Variants in ODAD2 observed in about 807,000 individuals in gnomAD.
ODAD2 encodes the protein outer dynein arm-docking complex subunit 2.
In ODAD2, 89 loss-of-function variants were observed where a neutral mutation model predicts 106.8. That is an observed-to-expected ratio of 0.83 (90% CI 0.70 to 0.99). The LOEUF (loss-of-function observed/expected upper bound fraction) is 0.99. ODAD2 is among the 50% of genes least tolerant of loss of function. The pLI is 0.00. For missense variants in ODAD2, 1,168 were observed against 1,238.5 expected (o/e 0.94, Z 0.85); for synonymous variants, 404 against 436.2 (o/e 0.93, Z 0.92).
chr10:27,853,624 C>T (rs1839449239), intron 19 of ODAD2, among the ~76,000 whole-genome samples: 1 of 152,110 alleles, frequency 6.6e-6, no homozygotes, highest in African/African-American at 2.4e-5. Flanking sequence ...ATGAGCCACT[C>T]TGCCTGGTCC....
At chr10:27,966,700 T>C (rs1848509323) in intron 9 of ODAD2, among the ~76,000 whole-genome samples, 1 of 152,224 alleles carries the variant, frequency 6.6e-6, no homozygotes, top group Admixed American at 6.5e-5. Flanking sequence ...TTCATTTTTA[T>C]CACTGAGTAA....
chr10:27,860,482 G>T, intron 19 of ODAD2, 143 bp downstream of exon 19: 1 of 710,412 alleles, frequency 1.4e-6, no homozygotes, highest in Non-Finnish European at 2.3e-6. Flanking sequence ...GATAACACAT[G>T]GCTTGAATGC....
At chr10:27,883,231 G>A (rs1392446076) in intron 17 of ODAD2, among the ~76,000 whole-genome samples, 1 of 151,984 alleles carries the variant, frequency 6.6e-6, no homozygotes, top group Non-Finnish European at 1.5e-5. Flanking sequence ...CAGGGTGGCA[G>A]ACTTAAGAGT....
intron 2 of ODAD2, among the ~76,000 whole-genome samples, chr10:27,988,338 T>G (rs1450360627): frequency 2.1e-5 from 1 of 48,010 alleles, no homozygotes; most frequent in African/African-American, 1.2e-4. Context: ...CTGATCTAGC[T>G]TTTTTTTTTT....
chr10:27,980,513 C>T (rs1463182894), intron 7 of ODAD2, among the ~76,000 whole-genome samples: 4 of 152,114 alleles, frequency 2.6e-5, no homozygotes, highest in African/African-American at 9.6e-5. Context: ...AAGCTAAGGA[C>T]TCAAGCAGAC....
At chr10:27,873,806 G>A (rs1457451819) in intron 17 of ODAD2, among the ~76,000 whole-genome samples, 2 of 152,220 alleles carry the variant, frequency 1.3e-5, no homozygotes, top group Admixed American at 6.5e-5. Flanking sequence ...TAAGTGTGAT[G>A]TGGTGCTGAG....
At position 27,976,947 on chromosome 10, in the gene ODAD2, C is replaced by T. The variant is rs141461520; in HGVS notation, c.936+4519G>A. Among the ~76,000 whole-genome samples, 113 of 151,984 alleles carry T rather than the reference C, an allele frequency of 7.4e-4. 1 individual carries two copies. Among genetic ancestry groups the T allele is most frequent in the African/African-American group, 2.7e-3 (111 of 41,466 alleles). The stretch of plus-strand genomic sequence containing the variant: ...AGAAATACATTCACAGACAAATGAA[C>T]GACTAATTTTTGACAAAGTTATAAA... On this transcript the variant is annotated intron_variant, in intron 7 of 19. Coordinates refer to ENST00000305242, the MANE Select transcript of ODAD2 (RefSeq NM_018076.5).
intron 19 of ODAD2, among the ~76,000 whole-genome samples, chr10:27,813,068 A>G (rs1835865316): frequency 6.6e-6 from 1 of 152,226 alleles, no homozygotes; most frequent in Non-Finnish European, 1.5e-5. Flanking sequence ...CTCAGTGCCA[A>G]CTAACTAGAG....
intron 19 of ODAD2, among the ~76,000 whole-genome samples, chr10:27,855,900 G>A (rs1181105794): frequency 6.6e-6 from 1 of 152,084 alleles, no homozygotes; most frequent in Non-Finnish European, 1.5e-5. Context: ...TCACTTGCCT[G>A]GTATAGACAT....
Position 27,987,521 on chromosome 10 carries a change from C to A in ODAD2, c.247G>T (p.Glu83Ter), listed in dbSNP as rs747965765. The A allele has an allele frequency of 6.2e-7, 1 of 1,611,380 alleles. No individual in the cohort carries two copies. The highest frequency in any genetic ancestry group is 8.5e-7 in the Non-Finnish European group (1 of 1,179,080). Residue 83 changes from glutamate to a stop codon, truncating the protein, a stop_gained, in exon 3 of 20, where the codon GAA becomes TAA. Coordinates refer to ENST00000305242, the MANE Select transcript of ODAD2 (RefSeq NM_018076.5). LOFTEE classifies it high-confidence loss of function. Reference protein sequence around the residue: ...VVSETTVKSEEVDKNGQPLLF... With the variant: ...VVSETTVKSE ...AAAGGCTGTCCATTTTTATCAACTT[C>A]TTCTGATTTGACTGTTGTTTCACTA... is the stretch of plus-strand genomic sequence containing the variant.
chr10:27,819,322 G>C (rs1836405846), intron 19 of ODAD2, among the ~76,000 whole-genome samples: 1 of 152,090 alleles, frequency 6.6e-6, no homozygotes, highest in South Asian at 2.1e-4. Context: ...AGAGTTTGAG[G>C]GGTTTGGAGT....
intron 19 of ODAD2, among the ~76,000 whole-genome samples, chr10:27,843,761 T>C (rs1838489570): frequency 6.6e-6 from 1 of 151,854 alleles, no homozygotes; most frequent in Non-Finnish European, 1.5e-5. Context: ...AGCAATACTC[T>C]GTCTCAAAAA....
intron 19 of ODAD2, chr10:27,853,313 G>T: frequency 3.6e-6 from 1 of 277,666 alleles, no homozygotes. Context: ...GTTGCAGTGA[G>T]CCAAGATCGT....
intron 19 of ODAD2, among the ~76,000 whole-genome samples, chr10:27,842,527 C>T (rs1363436870): frequency 1.3e-5 from 2 of 152,066 alleles, no homozygotes; most frequent in Non-Finnish European, 1.5e-5. Flanking sequence ...AACTATTTTT[C>T]ACAAATAGTT....
At chr10:27,999,263 C>G (rs1273815466), upstream of ODAD2, among the ~76,000 whole-genome samples, 1 of 152,128 alleles carries the variant, frequency 6.6e-6, no homozygotes, top group East Asian at 1.9e-4. Flanking sequence ...GCGGGGTCGG[C>G]GGCAAGTTAG....
At chr10:27,994,849 A>C in intron 2 of ODAD2, 70 bp downstream of exon 2, 2 of 1,534,502 alleles carry the variant, frequency 1.3e-6, no homozygotes, top group East Asian at 2.4e-5. Flanking sequence ...CTTGCCCCCA[A>C]ACCTAGAACC....
intron 10 of ODAD2, among the ~76,000 whole-genome samples, chr10:27,948,900 C>T (rs535149920): frequency 2.8e-5 from 4 of 141,170 alleles, no homozygotes; most frequent in Admixed American, 7.6e-5. Context: ...AGGTTTTAAA[C>T]GTGCAGAGAT....
chr10:27,979,231 CAAAA>C (rs1313032503), intron 7 of ODAD2, among the ~76,000 whole-genome samples: 1 of 41,900 alleles, frequency 2.4e-5, no homozygotes, highest in Admixed American at 2.3e-4. Flanking sequence ...GACTCCATCT[CAAAA>C]AAAAAAAAAA....
intron 7 of ODAD2, among the ~76,000 whole-genome samples, chr10:27,979,421 C>T (rs77463607): frequency 0.024 from 3,462 of 143,344 alleles, 145 homozygotes; most frequent in African/African-American, 0.085. Flanking sequence ...TGCAGAAAAA[C>T]CTAAGAATAC....
Sources: gnomAD v4.1 joint callset for allele counts (sites outside exome capture counted in the v4.1 genomes callset) on GRCh38, gnomAD v4.1.1 for gene constraint, MANE v1.5 for transcripts, NCBI Gene and HGNC (gene_info 2026-07-23, HGNC 2026-07-21) for gene names.